The following IGF1R variants were observed in gnomAD, a reference collection of about 807,000 sequenced individuals.
IGF1R encodes insulin like growth factor 1 receptor, also known as insulin-like growth factor 1 receptor.
IGF1R carries 44 observed loss-of-function variants against 144.6 expected under a neutral mutation model. The ratio of observed to expected loss-of-function variants is 0.30; its 90% CI spans 0.24 to 0.39. The LOEUF (loss-of-function observed/expected upper bound fraction) is 0.39, where lower values mean the gene tolerates loss of function less well. Among genes scored for constraint, IGF1R ranks in the 10% least tolerant of loss-of-function variants. The pLI is 1.00. For missense variants in IGF1R, 1,355 were observed against 1,833.7 expected, an observed-to-expected ratio of 0.74 and a Z score of 4.77; for synonymous variants, 795 against 722.8, an observed-to-expected ratio of 1.10 and a Z score of -1.60.
intron 3 of IGF1R, chr15:98,893,425 A>T (rs2151647378): frequency 6.6e-6 from 1 of 152,362 alleles, no homozygotes. Context: ...GCTGTAGAGG[A>T]TACATATTAC....
chr15:98,806,255 G>C (rs2056468731), intron 2 of IGF1R, among the ~76,000 whole-genome samples: 1 of 152,074 alleles, frequency 6.6e-6, no homozygotes, highest in Non-Finnish European at 1.5e-5. Flanking sequence ...AGGTGTGGGG[G>C]GTGGCGTGGA....
intron 2 of IGF1R, among the ~76,000 whole-genome samples, chr15:98,884,816 T>A (rs1222144040): frequency 6.6e-6 from 1 of 152,148 alleles, no homozygotes; most frequent in Non-Finnish European, 1.5e-5. Context: ...AATGCACATC[T>A]GATCATGTGC....
intron 2 of IGF1R, among the ~76,000 whole-genome samples, chr15:98,719,555 T>C (rs2054199186): frequency 6.6e-6 from 1 of 152,200 alleles, no homozygotes; most frequent in Non-Finnish European, 1.5e-5. Flanking sequence ...CAAAGCTGTT[T>C]CTGTTGATAG....
At chr15:98,665,161 C>T (rs1347726551) in intron 1 of IGF1R, among the ~76,000 whole-genome samples, 2 of 152,104 alleles carry the variant, frequency 1.3e-5, no homozygotes, top group Non-Finnish European at 2.9e-5. Flanking sequence ...CCGTGTTAGC[C>T]AGGATGGTCT....
chr15:98,678,684 T>G (rs1452535798), intron 1 of IGF1R, among the ~76,000 whole-genome samples: 1 of 151,014 alleles, frequency 6.6e-6, no homozygotes, highest in Admixed American at 6.6e-5. Flanking sequence ...CGGCTAATTT[T>G]TTATTTTTTT....
chr15:98,828,120 G>A (rs534452952), intron 2 of IGF1R, among the ~76,000 whole-genome samples: 8 of 152,168 alleles, frequency 5.3e-5, no homozygotes, highest in Non-Finnish European at 1.2e-4. Flanking sequence ...GCCTGTTACA[G>A]TGATCACTCC....
At chr15:98,709,144 G>C (rs533735332) in intron 2 of IGF1R, among the ~76,000 whole-genome samples, 2 of 152,324 alleles carry the variant, frequency 1.3e-5, no homozygotes, top group East Asian at 3.9e-4. Flanking sequence ...AGTTAAAGAT[G>C]TAAGGAACCC....
intron 2 of IGF1R, among the ~76,000 whole-genome samples, chr15:98,867,921 C>T (rs994068234): frequency 6.6e-6 from 1 of 152,116 alleles, no homozygotes; most frequent in African/African-American, 2.4e-5. Context: ...CAAATCCAGG[C>T]CAGGCGCAGT....
chr15:98,715,507 A>G (rs1277317557), intron 2 of IGF1R, among the ~76,000 whole-genome samples: 3 of 152,190 alleles, frequency 2.0e-5, no homozygotes, highest in African/African-American at 7.2e-5. Context: ...CCTGTGCTTG[A>G]AAAGCCTCTT....
chr15:98,760,851 A>G (rs1460078661), intron 2 of IGF1R, among the ~76,000 whole-genome samples: 1 of 152,260 alleles, frequency 6.6e-6, no homozygotes, highest in African/African-American at 2.4e-5. Context: ...TACAGACCAA[A>G]TAATACCACA....
chr15:98,899,895 G>A lies in IGF1R; in HGVS notation c.1247+274G>A, dbSNP rs536732286. 3.3e-5 allele frequency among the ~76,000 whole-genome samples: 5 copies of A among 152,274 alleles called. No individual in the cohort carries two copies. In the South Asian group the frequency reaches 8.3e-4, roughly 25 times the overall value. ...CGTGTCTGACTGTGACCAGTGAGAC[G>A]GCAGACGGGGGTGCGCTTAGGGCTT... On this transcript the variant is annotated intron_variant, in intron 5 of 20. Coordinates refer to ENST00000650285, the MANE Select transcript of IGF1R (RefSeq NM_000875.5).
intron 2 of IGF1R, among the ~76,000 whole-genome samples, chr15:98,740,995 A>T (rs45612834): frequency 0.036 from 5,457 of 152,152 alleles, 114 homozygotes; most frequent in East Asian, 0.052. Context: ...TTTGTGGTTT[A>T]AAAAAAATTC....
At position 98,924,599 on chromosome 15, in the gene IGF1R, G is replaced by C. The variant is rs139988223; in HGVS notation, c.2697G>C (p.Gly899=). ...CCAAGCTAAACCGGCTAAACCCGGGGAACTACACAGCCCGGATTCAGGCCA... is the reference window on the plus strand; with the variant it reads ...CCAAGCTAAACCGGCTAAACCCGGGCAACTACACAGCCCGGATTCAGGCCA... ...GGAKLNRLNP[G]NYTARIQATS... is the part of the protein sequence containing the mutation. The change falls in exon 13 of 21, where the codon GGG becomes GGC. Residue 899 remains glycine, a synonymous_variant. Coordinates refer to ENST00000650285, the MANE Select transcript of IGF1R (RefSeq NM_000875.5). 10 of 1,614,046 alleles carry C rather than the reference G, an allele frequency of 6.2e-6. No individual in the cohort carries two copies. In the Admixed American group the frequency reaches 1.7e-4, roughly 27 times the overall value.
At chr15:98,937,098 C>A (rs2016184006) in intron 17 of IGF1R, among the ~76,000 whole-genome samples, 1 of 152,162 alleles carries the variant, frequency 6.6e-6, no homozygotes, top group Non-Finnish European at 1.5e-5. Flanking sequence ...GTTGGCCAGG[C>A]TGGTCTTGAA....
At chr15:98,882,077 C>T (rs376745069) in intron 2 of IGF1R, among the ~76,000 whole-genome samples, 2 of 152,192 alleles carry the variant, frequency 1.3e-5, no homozygotes, top group East Asian at 1.9e-4. Context: ...AGAGAAACGG[C>T]AAGCAAGCTG....
chr15:98,721,783 AAAT>A (rs2054252792), intron 2 of IGF1R, among the ~76,000 whole-genome samples: 1 of 152,204 alleles, frequency 6.6e-6, no homozygotes, highest in African/African-American at 2.4e-5. Context: ...TAAACAAACT[AAAT>A]AACAGTAGAG....
chr15:98,748,974 G>A (rs1033645289), intron 2 of IGF1R, among the ~76,000 whole-genome samples: 1 of 152,168 alleles, frequency 6.6e-6, no homozygotes, highest in Non-Finnish European at 1.5e-5. Flanking sequence ...TAAAGGGGTT[G>A]TGTGCTGTGG....
At chr15:98,932,359 A>G (rs979559961) in intron 15 of IGF1R, among the ~76,000 whole-genome samples, 9 of 152,218 alleles carry the variant, frequency 5.9e-5, no homozygotes, top group Admixed American at 1.3e-4. Flanking sequence ...TCCCAAAGCT[A>G]TAATCTGCAT....
At chr15:98,661,714 G>A (rs1324488158) in intron 1 of IGF1R, among the ~76,000 whole-genome samples, 1 of 152,208 alleles carries the variant, frequency 6.6e-6, no homozygotes, top group Non-Finnish European at 1.5e-5. Flanking sequence ...GGGAGCTCCA[G>A]GCCTCAGTGT....
Sources: allele counts gnomAD v4.1 joint callset (sites outside exome capture counted in the v4.1 genomes callset), GRCh38; gene constraint gnomAD v4.1.1; transcripts MANE v1.5; gene names NCBI Gene and HGNC (gene_info 2026-07-23, HGNC 2026-07-21).